The following KHDRBS1 variants were observed in gnomAD, a reference collection of about 807,000 sequenced individuals.
KHDRBS1 encodes the protein KH domain-containing, RNA-binding, signal transduction-associated protein 1.
A neutral mutation model predicts 48.4 loss-of-function variants in KHDRBS1; 7 were observed. That is an observed-to-expected ratio of 0.14 (90% CI 0.08 to 0.27). The LOEUF (loss-of-function observed/expected upper bound fraction) is 0.27, where lower values mean the gene tolerates loss of function less well. Ranked by LOEUF, KHDRBS1 falls within the 10% of genes least tolerant of loss-of-function variation. The pLI is 1.00. For missense variants in KHDRBS1, 458 were observed against 601.2 expected, an observed-to-expected ratio of 0.76 and a Z score of 2.49; for synonymous variants, 241 against 235.8, an observed-to-expected ratio of 1.02 and a Z score of -0.20.
At chr1:32,024,967 A>T (rs1255724092) in intron 1 of KHDRBS1, among the ~76,000 whole-genome samples, 1 of 151,548 alleles carries the variant, frequency 6.6e-6, no homozygotes, top group Non-Finnish European at 1.5e-5. Context: ...TCTCTTTAAA[A>T]CAAACAAAAA....
At chr1:32,059,552 AAAGAAG>A (rs58082755) in intron 10 of KHDRBS1, among the ~76,000 whole-genome samples, 27 of 151,180 alleles carry the variant, frequency 1.8e-4, no homozygotes, top group East Asian at 3.9e-4. Context: ...AAAAAAAAAA[AAAGAAG>A]AAGAAGAAGA....
chr1:32,027,010 G>A (rs1807415), intron 1 of KHDRBS1, among the ~76,000 whole-genome samples: 5,137 of 152,268 alleles, frequency 0.034, 280 homozygotes, highest in African/African-American at 0.12. Flanking sequence ...GACCAAGCTG[G>A]TCTCGAATTT....
chr1:32,027,046 C>T (rs1638986728), intron 1 of KHDRBS1, among the ~76,000 whole-genome samples: 1 of 152,194 alleles, frequency 6.6e-6, no homozygotes, highest in Non-Finnish European at 1.5e-5. Context: ...CCGCCCACCT[C>T]AGCCTCCCAA....
intron 3 of KHDRBS1, 99 bp downstream of exon 3, chr1:32,031,739 T>G: frequency 3.0e-6 from 2 of 668,756 alleles, no homozygotes; most frequent in Non-Finnish European, 2.6e-6. Flanking sequence ...ATTTTGTATG[T>G]GTACAGAATG....
chr1:32,016,845 T>C (rs568880331), intron 1 of KHDRBS1, among the ~76,000 whole-genome samples: 1 of 152,242 alleles, frequency 6.6e-6, no homozygotes, highest in Admixed American at 6.5e-5. Context: ...AGGAATCTTT[T>C]GTCTACTTTG....
chr1:32,037,116 T>C (rs918493811), intron 5 of KHDRBS1, 73 bp downstream of exon 5: 2 of 1,512,630 alleles, frequency 1.3e-6, no homozygotes, highest in African/African-American at 2.8e-5. Context: ...AGTGGTGCTC[T>C]TATGTCTAGC....
chr1:32,056,031 A>T (rs530691327), intron 10 of KHDRBS1, among the ~76,000 whole-genome samples: 1 of 152,176 alleles, frequency 6.6e-6, no homozygotes, highest in East Asian at 1.9e-4. Context: ...AAAAGGAGAG[A>T]GACATGTATC....
rs757642503 is a variant in KHDRBS1, at chr1:32,030,277, TA to T, written c.383-18del. On this transcript the variant is annotated intron_variant, in intron 1 of 8. Coordinates refer to ENST00000327300, the MANE Select transcript of KHDRBS1 (RefSeq NM_006559.3). ...TTGCATTTATTTACCAGGGCAAAAA[TA>T]AATTGTTTTTCCTATTCAGAAATTG... is the stretch of plus-strand genomic sequence containing the variant. 1.5e-5 allele frequency: 24 copies of T among 1,598,250 alleles called. No homozygotes were observed. Among genetic ancestry groups the T allele is most frequent in the Non-Finnish European group, 2.0e-5 (24 of 1,173,572 alleles).
chr1:32,027,695 G>A (rs1326285425), intron 1 of KHDRBS1, among the ~76,000 whole-genome samples: 1 of 152,212 alleles, frequency 6.6e-6, no homozygotes, highest in African/African-American at 2.4e-5. Flanking sequence ...TATAGCATCT[G>A]AAATTAGGCT....
chr1:32,036,160 AAGAT>A (rs1394087372), intron 4 of KHDRBS1, among the ~76,000 whole-genome samples: 1 of 136,230 alleles, frequency 7.3e-6, no homozygotes, highest in African/African-American at 2.8e-5. Context: ...GGTCATTTTG[AAGAT>A]TTTTTTTTTT....
Position 32,013,882 on chromosome 1 carries a change from C to G in KHDRBS1, c.-114C>G, listed in dbSNP as rs1482698571. Reference sequence around the variant, plus strand: ...TCCGGTGCTCTCTCTCGCTGGGTCGCTCGGGTCGGCTTCGGTCGCTACCGC... The same window carrying G: ...TCCGGTGCTCTCTCTCGCTGGGTCGGTCGGGTCGGCTTCGGTCGCTACCGC... On this transcript the variant is annotated 5_prime_UTR_variant, in exon 1 of 9. Coordinates refer to ENST00000327300, the MANE Select transcript of KHDRBS1 (RefSeq NM_006559.3). 8 of 1,049,250 alleles carry G rather than the reference C, an allele frequency of 7.6e-6. No homozygotes were observed. Among genetic ancestry groups the G allele is most frequent in the Admixed American group, 4.3e-5 (1 of 23,448 alleles). The allele number at this position is 1,049,250 out of a possible 1,614,324, so 65.0% of individuals were successfully genotyped here.
At chr1:32,053,025 C>T (rs986560902) in intron 10 of KHDRBS1, among the ~76,000 whole-genome samples, 9 of 152,108 alleles carry the variant, frequency 5.9e-5, no homozygotes, top group Admixed American at 2.0e-4. Flanking sequence ...TGGTGGTGCA[C>T]GCCTGTAGTC....
chr1:32,031,797 A>T (rs531551134), intron 3 of KHDRBS1, among the ~76,000 whole-genome samples, 157 bp downstream of exon 3: 1 of 152,272 alleles, frequency 6.6e-6, no homozygotes, highest in East Asian at 1.9e-4. Flanking sequence ...ACACCAAGTT[A>T]ATTTACTTGG....
chr1:32,036,163 A>AATT (rs1337266070), intron 4 of KHDRBS1, among the ~76,000 whole-genome samples: 1 of 60,470 alleles, frequency 1.7e-5, no homozygotes, highest in Admixed American at 2.5e-4. Flanking sequence ...CATTTTGAAG[A>AATT]TTTTTTTTTT....
At chr1:32,056,004 G>A (rs529904320) in intron 10 of KHDRBS1, among the ~76,000 whole-genome samples, 4 of 152,144 alleles carry the variant, frequency 2.6e-5, no homozygotes, top group South Asian at 4.2e-4. Context: ...TTCTGCTTTC[G>A]TATACAGCTC....
intron 1 of KHDRBS1, among the ~76,000 whole-genome samples, chr1:32,025,825 GC>G (rs970944749): frequency 6.8e-6 from 1 of 147,446 alleles, no homozygotes; most frequent in African/African-American, 2.5e-5. Flanking sequence ...GTTCACTGCA[GC>G]CTTGAACTCT....
chr1:32,020,774 T>C (rs1350557736), intron 1 of KHDRBS1, among the ~76,000 whole-genome samples: 1 of 152,168 alleles, frequency 6.6e-6, no homozygotes, highest in Admixed American at 6.6e-5. Context: ...AGATGAAGAC[T>C]ATATTAGTGG....
intron 4 of KHDRBS1, among the ~76,000 whole-genome samples, chr1:32,034,276 G>A (rs528640189): frequency 6.6e-6 from 1 of 152,176 alleles, no homozygotes; most frequent in South Asian, 2.1e-4. Context: ...TTTATAGGCA[G>A]TGTGGGCCAG....
At chr1:32,036,843 G>A (rs1639194017) in intron 4 of KHDRBS1, 67 bp from the exon 5 acceptor site, 10 of 1,511,194 alleles carry the variant, frequency 6.6e-6, no homozygotes, top group Non-Finnish European at 9.0e-6. Flanking sequence ...AGTCTCCCGT[G>A]GACCAGATGA....
Sources: gnomAD v4.1 joint callset for allele counts (sites outside exome capture counted in the v4.1 genomes callset) on GRCh38, gnomAD v4.1.1 for gene constraint, MANE v1.5 for transcripts, NCBI Gene and HGNC (gene_info 2026-07-23, HGNC 2026-07-21) for gene names.